The following HERC6 variants were observed in gnomAD, a reference collection of about 807,000 sequenced individuals.
HERC6 encodes probable E3 ubiquitin-protein ligase HERC6.
HERC6 carries 101 observed loss-of-function variants against 114.5 expected under a neutral mutation model. That is an observed-to-expected ratio of 0.88 (90% CI 0.75 to 1.04). The LOEUF is 1.04. Ranked by LOEUF, HERC6 falls within the 50% of genes least tolerant of loss-of-function variation. The pLI is 0.00. For synonymous variants in HERC6, 408 were observed against 436.2 expected (o/e 0.94, Z 0.81); for missense variants, 1,133 against 1,230.9 (o/e 0.92, Z 1.19).
At chr4:88,426,819 T>C (rs758503340) in intron 15 of HERC6, among the ~76,000 whole-genome samples, 3 of 152,240 alleles carry the variant, frequency 2.0e-5, no homozygotes, top group Non-Finnish European at 2.9e-5. Flanking sequence ...TTTACAAATA[T>C]ATTTGACCAG....
chr4:88,421,819 G>T (rs1737097842), intron 13 of HERC6, among the ~76,000 whole-genome samples: 1 of 152,158 alleles, frequency 6.6e-6, no homozygotes, highest in African/African-American at 2.4e-5. Context: ...AGTGGGAAAT[G>T]ATATTTCCTT....
chr4:88,422,928 A>G (rs1476839968), intron 13 of HERC6, among the ~76,000 whole-genome samples: 1 of 151,420 alleles, frequency 6.6e-6, no homozygotes, highest in Non-Finnish European at 1.5e-5. Context: ...GAGATTTTCT[A>G]TTTTTTTCTT....
rs547653093 is a variant in HERC6 at position 88,436,737 on chromosome 4, T to C, written c.2418-168T>C. Among the ~76,000 whole-genome samples the C allele has an allele frequency of 3.9e-5, 6 of 152,280 alleles. No individual in the cohort carries two copies. The South Asian group carries it at 1.2e-3, about 32-fold the overall frequency. On this transcript the variant is annotated intron_variant, in intron 18 of 22. Coordinates refer to ENST00000264346, the MANE Select transcript of HERC6 (RefSeq NM_017912.4). Reference sequence around the variant, plus strand: ...GTAACAATGGTCCAACAAATCAAACTGTAAATAGAGGCAAACTCTAGGGAA... The same window carrying C: ...GTAACAATGGTCCAACAAATCAAACCGTAAATAGAGGCAAACTCTAGGGAA...
intron 10 of HERC6, 113 bp downstream of exon 10, chr4:88,405,726 C>A: frequency 4.0e-6 from 2 of 501,636 alleles, no homozygotes; most frequent in Non-Finnish European, 6.9e-6. Flanking sequence ...CAAAGTCCAA[C>A]ACAGAGAACT....
chr4:88,382,333 G>T (rs1178641980), intron 1 of HERC6, among the ~76,000 whole-genome samples: 2 of 151,996 alleles, frequency 1.3e-5, no homozygotes, highest in African/African-American at 2.4e-5. Context: ...GCATATTTAG[G>T]GCCTCCATAG....
At position 88,404,808 on chromosome 4, in the gene HERC6, T is replaced by C. The variant is rs1224363908; in HGVS notation, c.1093-68T>C. ...CCTATTTACCACCCATGCCAGGTGA[T>C]TTACTGTATAATTTACTACTGAACG... On this transcript the variant is annotated intron_variant, in intron 8 of 22. Transcript: ENST00000264346. 16 of 1,575,088 alleles carry C rather than the reference T, an allele frequency of 1.0e-5. No individual in the cohort carries two copies. The East Asian group carries it at 3.4e-4, about 34-fold the overall frequency.
At chr4:88,425,316 G>T (rs767026572) in intron 15 of HERC6, among the ~76,000 whole-genome samples, 1 of 152,148 alleles carries the variant, frequency 6.6e-6, no homozygotes, top group Non-Finnish European at 1.5e-5. Context: ...TTTCCATTTT[G>T]ATGAGTTAAT....
intron 15 of HERC6, among the ~76,000 whole-genome samples, chr4:88,425,251 G>C (rs1346809012): frequency 6.6e-6 from 1 of 152,132 alleles, no homozygotes; most frequent in Non-Finnish European, 1.5e-5. Context: ...GTTTGTAAAT[G>C]CCTCTTCCAC....
At chr4:88,390,139 C>T (rs1734819995) in intron 3 of HERC6, among the ~76,000 whole-genome samples, 1 of 141,078 alleles carries the variant, frequency 7.1e-6, no homozygotes, top group Non-Finnish European at 1.5e-5. Context: ...AGATCGCACC[C>T]TGCACTCCAG....
At chr4:88,381,795 A>C in intron 1 of HERC6, among the ~76,000 whole-genome samples, 1 of 151,786 alleles carries the variant, frequency 6.6e-6, no homozygotes, top group East Asian at 1.9e-4. Context: ...TGACCTCGTG[A>C]TCCACCCGCC....
At chr4:88,436,782 G>T (rs1578435053) in intron 18 of HERC6, 123 bp from the exon 19 acceptor site, 1 of 595,084 alleles carries the variant, frequency 1.7e-6, no homozygotes, top group East Asian at 3.2e-5. Flanking sequence ...GAAGATGGAG[G>T]ATAGGAAATT....
intron 11 of HERC6, among the ~76,000 whole-genome samples, chr4:88,410,523 TC>T (rs1324310187): frequency 6.6e-6 from 1 of 152,158 alleles, no homozygotes; most frequent in African/African-American, 2.4e-5. Context: ...AAGAAATCTC[TC>T]TGGGGTCTCT....
At chr4:88,430,429 G>T (rs902599425) in intron 16 of HERC6, among the ~76,000 whole-genome samples, 1 of 151,946 alleles carries the variant, frequency 6.6e-6, no homozygotes. Context: ...AACTAGCTGG[G>T]TGCGGTGGTG....
chr4:88,399,287 A>G (rs979539932), intron 8 of HERC6: 8 of 152,214 alleles, frequency 5.3e-5, no homozygotes, highest in African/African-American at 1.9e-4. Context: ...TTAGGAGACT[A>G]TACTTTGGTT....
chr4:88,414,270 A>G (rs1736298776), intron 12 of HERC6, among the ~76,000 whole-genome samples: 1 of 151,494 alleles, frequency 6.6e-6, no homozygotes, highest in Non-Finnish European at 1.5e-5. Flanking sequence ...CAGGAGGTTG[A>G]GGGCAGCCTG....
At chr4:88,429,576 T>C (rs1340387675) in intron 16 of HERC6, among the ~76,000 whole-genome samples, 1 of 152,170 alleles carries the variant, frequency 6.6e-6, no homozygotes, top group East Asian at 1.9e-4. Flanking sequence ...ATTTGCCCTC[T>C]TGAGGCTACA....
intron 13 of HERC6, among the ~76,000 whole-genome samples, chr4:88,422,485 T>C (rs1202869424): frequency 1.3e-5 from 2 of 152,216 alleles, no homozygotes; most frequent in African/African-American, 4.8e-5. Flanking sequence ...CTTTGTTCTT[T>C]TAGATCATGA....
At chr4:88,434,583 T>C (rs532421796) in intron 17 of HERC6, among the ~76,000 whole-genome samples, 1 of 152,010 alleles carries the variant, frequency 6.6e-6, no homozygotes, top group East Asian at 1.9e-4. Context: ...AGGTTGGGGA[T>C]GGAGAGGAGG....
chr4:88,437,785 A>C lies in HERC6; in HGVS notation c.2555+4A>C. Reference sequence around the variant, plus strand: ...TACCTGTGGACCAAACCAACAAGTAAGTTTTGACAGCTAGAATATCTGTTT... The same window carrying C: ...TACCTGTGGACCAAACCAACAAGTACGTTTTGACAGCTAGAATATCTGTTT... On this transcript the variant is annotated splice_donor_region_variant and intron_variant, in intron 20 of 22. Coordinates refer to ENST00000264346, the MANE Select transcript of HERC6 (RefSeq NM_017912.4). The C allele has an allele frequency of 6.3e-7, 1 of 1,579,908 alleles. No individual in the cohort carries two copies. The highest frequency in any genetic ancestry group is 8.7e-7 in the Non-Finnish European group (1 of 1,152,582).
Sources: gnomAD v4.1 joint callset for allele counts (sites outside exome capture counted in the v4.1 genomes callset) on GRCh38, gnomAD v4.1.1 for gene constraint, MANE v1.5 for transcripts, NCBI Gene and HGNC (gene_info 2026-07-23, HGNC 2026-07-21) for gene names.